SSTR2: variants seen among roughly 807,000 people sequenced by gnomAD.
SSTR2 encodes somatostatin receptor type 2.
Under a neutral mutation model 21.4 loss-of-function variants are expected in SSTR2, and 10 were observed. That is an observed-to-expected ratio of 0.47 (90% CI 0.29 to 0.79). The LOEUF is 0.79. Among genes scored for constraint, SSTR2 ranks in the 30% least tolerant of loss-of-function variants. The pLI, the probability that SSTR2 is intolerant of heterozygous loss-of-function variation, is 0.10. For synonymous variants in SSTR2, 177 were observed against 181.3 expected, an observed-to-expected ratio of 0.98 and a Z score of 0.19; for missense variants, 364 against 468.8, an observed-to-expected ratio of 0.78 and a Z score of 2.06.
chr17:73,167,255 G>A (rs546044419), intron 1 of SSTR2, among the ~76,000 whole-genome samples: 1 of 152,248 alleles, frequency 6.6e-6, no homozygotes, highest in Admixed American at 6.5e-5. Context: ...TGAAATTCCA[G>A]GTGCCTCAAA....
Position 73,170,504 on chromosome 17 carries a change from C to T in SSTR2, c.*75C>T. On this transcript the variant is annotated 3_prime_UTR_variant, in exon 2 of 2. Coordinates refer to ENST00000357585, the MANE Select transcript of SSTR2 (RefSeq NM_001050.3). ...TGGGCTCCCTACCCACACTGGCTTC[C>T]TGCCTCCCACCCCTCACACCTGGCT... The T allele has an allele frequency of 6.4e-7, 1 of 1,551,362 alleles. No individual in the cohort carries two copies. Among genetic ancestry groups the T allele is most frequent in the Non-Finnish European group, 8.8e-7 (1 of 1,138,394 alleles).
rs2061225723 is a variant in SSTR2 at position 73,169,233 on chromosome 17, A to G, written c.-87A>G. The G allele has an allele frequency of 1.4e-6, 2 of 1,445,174 alleles. No homozygotes were observed. The highest frequency in any genetic ancestry group is 1.4e-5 in the African/African-American group (1 of 70,540). 89.5% of individuals were successfully genotyped at this position (1,445,174 alleles called of 1,614,324 possible). ...TCTTCCTCTTTTCCTTCCAGATGTC[A>G]CACTGGATCCTTGGCCTCCAGGGTC... On this transcript the variant is annotated 5_prime_UTR_variant, in exon 2 of 2. Coordinates refer to ENST00000357585, the MANE Select transcript of SSTR2 (RefSeq NM_001050.3). The surrounding 1 kb of genome is among the most constrained non-coding windows in gnomAD (Gnocchi z 5.2).
Position 73,175,231 on chromosome 17 carries a change from C to T in SSTR2, c.*4802C>T, listed in dbSNP as rs566698407. 1 of 152,138 alleles carries T rather than the reference C, an allele frequency of 6.6e-6. No individual in the cohort carries two copies. Among genetic ancestry groups the T allele is most frequent in the East Asian group, 1.9e-4 (1 of 5,184 alleles). The allele number at this position is 152,138 out of a possible 1,614,324, so 9.4% of individuals were successfully genotyped here. A position where few individuals can be genotyped will look rare whatever the true frequency, so the allele number is the denominator to read the frequency against. ...AATGTTCTGTCAGAGTAAACCTTTA[C>T]CTAAGTGCTTGTTTTGCTTTTAATA... is the stretch of plus-strand genomic sequence containing the variant. On this transcript the variant is annotated 3_prime_UTR_variant, in exon 2 of 2. Coordinates refer to ENST00000357585, the MANE Select transcript of SSTR2 (RefSeq NM_001050.3).
chr17:73,167,501 G>A (rs1344903075), intron 1 of SSTR2, among the ~76,000 whole-genome samples: 1 of 152,184 alleles, frequency 6.6e-6, no homozygotes, highest in Non-Finnish European at 1.5e-5. Flanking sequence ...CCAGGAAAAG[G>A]ACCTAGCTCA....
At position 73,169,188 on chromosome 17, in the gene SSTR2, G is replaced by A; in HGVS notation, c.-92-40G>A. The A allele has an allele frequency of 8.9e-7, 1 of 1,125,008 alleles. No individual in the cohort carries two copies. Among genetic ancestry groups the A allele is most frequent in the Non-Finnish European group, 1.2e-6 (1 of 814,460 alleles). The allele number at this position is 1,125,008 out of a possible 1,614,324, so 69.7% of individuals were successfully genotyped here. A position where few individuals can be genotyped will look rare whatever the true frequency, so the allele number is the denominator to read the frequency against. On this transcript the variant is annotated intron_variant, in intron 1 of 1. Coordinates refer to ENST00000357585, the MANE Select transcript of SSTR2 (RefSeq NM_001050.3). The surrounding 1 kb of genome is among the most constrained non-coding windows in gnomAD (Gnocchi z 5.2). ...TGTAAATTTGGTGAGACTTTAAACA[G>A]CCTGTGACCGACGGGCCAATCTTCC...
rs1568284762 is a variant in SSTR2, at chr17:73,165,232, G to A, written c.-149G>A. ...CGCGCCCCGGCGCCCAGCTGGCTCG[G>A]GGACAGCCGCTGGGTGTCGGAGACC... On this transcript the variant is annotated 5_prime_UTR_variant, in exon 1 of 2. Coordinates refer to ENST00000357585, the MANE Select transcript of SSTR2 (RefSeq NM_001050.3). 1 of 152,548 alleles carries A rather than the reference G, an allele frequency of 6.6e-6. No individual in the cohort carries two copies. Among genetic ancestry groups the A allele is most frequent in the African/African-American group, 2.4e-5 (1 of 41,478 alleles). 9.4% of individuals were successfully genotyped at this position (152,548 alleles called of 1,614,324 possible).
chr17:73,167,775 T>C (rs2061221012), intron 1 of SSTR2, among the ~76,000 whole-genome samples: 1 of 152,146 alleles, frequency 6.6e-6, no homozygotes, highest in South Asian at 2.1e-4. Context: ...TTTTAAATTA[T>C]CACCTCCTAG....
At position 73,169,592 on chromosome 17, in the gene SSTR2, C is replaced by G. The variant is rs1453388354; in HGVS notation, c.273C>G (p.Leu91=). 7 of 1,614,174 alleles carry G rather than the reference C, an allele frequency of 4.3e-6. No individual in the cohort carries two copies. Among genetic ancestry groups the G allele is most frequent in the Non-Finnish European group, 5.9e-6 (7 of 1,180,064 alleles). ...YILNLAIADE[L]FMLGLPFLAM... is the part of the protein sequence containing the mutation. ...TCAACCTGGCCATCGCAGATGAGCT[C>G]TTCATGCTGGGTCTGCCTTTCTTGG... The change falls in exon 2 of 2, where the codon CTC becomes CTG. Residue 91 remains leucine, a synonymous_variant. Coordinates refer to ENST00000357585, the MANE Select transcript of SSTR2 (RefSeq NM_001050.3). The surrounding 1 kb of genome is among the most constrained non-coding windows in gnomAD (Gnocchi z 5.2).
Position 73,170,450 on chromosome 17 carries a change from G to T in SSTR2, c.*21G>T, listed in dbSNP as rs768059347. On this transcript the variant is annotated 3_prime_UTR_variant, in exon 2 of 2. Coordinates refer to ENST00000357585, the MANE Select transcript of SSTR2 (RefSeq NM_001050.3). ...TCTGAACTGCTTGGGGGGTGGGAAA[G>T]AACCAAGCCATGCTCTGTCTACTGG... 5.2e-5 allele frequency: 83 copies of T among 1,604,962 alleles called. No individual in the cohort carries two copies. In the South Asian group the frequency reaches 8.3e-4, roughly 16 times the overall value.
chr17:73,165,153 G>T lies in SSTR2; in HGVS notation c.-228G>T, dbSNP rs1451332268. 3 of 152,194 alleles carry T rather than the reference G, an allele frequency of 2.0e-5. No individual in the cohort carries two copies. The highest frequency in any genetic ancestry group is 7.2e-5 in the African/African-American group (3 of 41,450). 9.4% of individuals were successfully genotyped at this position (152,194 alleles called of 1,614,324 possible). Reference sequence around the variant, plus strand: ...GGCTAGCGGGAGCCGGCACAAGAGGGTCGAGGAGCCAGGAACCCCAAACGT... The same window carrying T: ...GGCTAGCGGGAGCCGGCACAAGAGGTTCGAGGAGCCAGGAACCCCAAACGT... On this transcript the variant is annotated 5_prime_UTR_variant, in exon 1 of 2. Transcript: ENST00000357585.
At position 73,169,179 on chromosome 17, in the gene SSTR2, C is replaced by G. The variant is rs1466113; in HGVS notation, c.-92-49C>G. ...CCAGAAATGTGTAAATTTGGTGAGA[C>G]TTTAAACAGCCTGTGACCGACGGGC... is the stretch of plus-strand genomic sequence containing the variant. On this transcript the variant is annotated intron_variant, in intron 1 of 1. Coordinates refer to ENST00000357585, the MANE Select transcript of SSTR2 (RefSeq NM_001050.3). This position sits in a 1 kb window ranked among gnomAD's most constrained non-coding sequence, Gnocchi z 5.2. 634,754 of 1,054,650 alleles carry G rather than the reference C, an allele frequency of 0.6. 192,653 individuals carry two copies. Among genetic ancestry groups the G allele is most frequent in the African/African-American group, 0.75 (46,744 of 62,186 alleles). 65.3% of individuals were successfully genotyped at this position (1,054,650 alleles called of 1,614,324 possible). A position where few individuals can be genotyped will look rare whatever the true frequency, so the allele number is the denominator to read the frequency against.
rs2061239326 is a variant in SSTR2 at position 73,172,870 on chromosome 17, G to A, written c.*2441G>A. ...CTGAGTTTTAGGGAAATGATTCCAA[G>A]GGACCAAGAATTGGTAGAAATAATT... On this transcript the variant is annotated 3_prime_UTR_variant, in exon 2 of 2. Coordinates refer to ENST00000357585, the MANE Select transcript of SSTR2 (RefSeq NM_001050.3). The A allele has an allele frequency of 6.6e-6, 1 of 152,144 alleles. No individual in the cohort carries two copies. Among genetic ancestry groups the A allele is most frequent in the African/African-American group, 2.4e-5 (1 of 41,428 alleles). The allele number at this position is 152,144 out of a possible 1,614,324, so 9.4% of individuals were successfully genotyped here. A position where few individuals can be genotyped will look rare whatever the true frequency, so the allele number is the denominator to read the frequency against.
At chr17:73,166,881 T>G (rs1232500144) in intron 1 of SSTR2, among the ~76,000 whole-genome samples, 1 of 152,170 alleles carries the variant, frequency 6.6e-6, no homozygotes, top group Non-Finnish European at 1.5e-5. Flanking sequence ...CCAGTTAAAA[T>G]GACCGAGTTA....
In SSTR2 at chr17:73,165,086, C is replaced by G. The variant is rs1277640143; in HGVS notation, c.-295C>G. 1 of 152,220 alleles carries G rather than the reference C, an allele frequency of 6.6e-6. No homozygotes were observed. Among genetic ancestry groups the G allele is most frequent in the Non-Finnish European group, 1.5e-5 (1 of 68,070 alleles). The allele number at this position is 152,220 out of a possible 1,614,324, so 9.4% of individuals were successfully genotyped here. Reference sequence around the variant, plus strand: ...CCCAGAGCCCCAGTCTGAGGCTTGGCGCCGGGGGTCTGCGGGCGAGGGGAG... The same window carrying G: ...CCCAGAGCCCCAGTCTGAGGCTTGGGGCCGGGGGTCTGCGGGCGAGGGGAG... On this transcript the variant is annotated 5_prime_UTR_variant, in exon 1 of 2. Transcript: ENST00000357585.
At position 73,175,379 on chromosome 17, in the gene SSTR2, C is replaced by G. The variant is rs1568288146; in HGVS notation, c.*4950C>G. 3 of 151,250 alleles carry G rather than the reference C, an allele frequency of 2.0e-5. No homozygotes were observed. In the South Asian group the frequency reaches 6.3e-4, roughly 32 times the overall value. 9.4% of individuals were successfully genotyped at this position (151,250 alleles called of 1,614,324 possible). A position where few individuals can be genotyped will look rare whatever the true frequency, so the allele number is the denominator to read the frequency against. On this transcript the variant is annotated 3_prime_UTR_variant, in exon 2 of 2. Coordinates refer to ENST00000357585, the MANE Select transcript of SSTR2 (RefSeq NM_001050.3). ...GCACGATCTTGGCTCACTGCAACCTCCACCTACCGGATTCAAGTGATTCTC... is the reference window on the plus strand; with the variant it reads ...GCACGATCTTGGCTCACTGCAACCTGCACCTACCGGATTCAAGTGATTCTC...
rs2145074371 is a variant in SSTR2 at position 73,175,335 on chromosome 17, C to T, written c.*4906C>T. The stretch of plus-strand genomic sequence containing the variant: ...TTTGAGACAGAGTTTCGCTTTTTCA[C>T]CCAGGCTGGAGCGCAGTGGCACGAT... On this transcript the variant is annotated 3_prime_UTR_variant, in exon 2 of 2. Transcript: ENST00000357585. 1.4e-5 allele frequency: 2 copies of T among 145,802 alleles called. No homozygotes were observed. Among genetic ancestry groups the T allele is most frequent in the Middle Eastern group, 7.4e-3 (2 of 270 alleles). 9.0% of individuals were successfully genotyped at this position (145,802 alleles called of 1,614,324 possible). A position where few individuals can be genotyped will look rare whatever the true frequency, so the allele number is the denominator to read the frequency against.
chr17:73,170,999 C>G lies in SSTR2; in HGVS notation c.*570C>G. 1 of 280,444 alleles carries G rather than the reference C, an allele frequency of 3.6e-6. No individual in the cohort carries two copies. The highest frequency in any genetic ancestry group is 4.3e-5 in the South Asian group (1 of 23,402). 17.4% of individuals were successfully genotyped at this position (280,444 alleles called of 1,614,324 possible). A position where few individuals can be genotyped will look rare whatever the true frequency, so the allele number is the denominator to read the frequency against. On this transcript the variant is annotated 3_prime_UTR_variant, in exon 2 of 2. Transcript: ENST00000357585. ...TGCCAAGGCCCAGGAGGGACTTGGGCAGTATGTTCATGTGGTCATATGTTT... is the reference window on the plus strand; with the variant it reads ...TGCCAAGGCCCAGGAGGGACTTGGGGAGTATGTTCATGTGGTCATATGTTT...
At position 73,166,428 on chromosome 17, in the gene SSTR2, CA is replaced by C. The variant is rs374992103; in HGVS notation, c.-93+1141del. ...CACTCATTTCTTGGGCTGGTAATCA[CA>C]GCCCCTATGTAAAAGGGGGGCGGGG... On this transcript the variant is annotated intron_variant, in intron 1 of 1. Coordinates refer to ENST00000357585, the MANE Select transcript of SSTR2 (RefSeq NM_001050.3). Among the ~76,000 whole-genome samples the C allele has an allele frequency of 4.0e-3, 581 of 145,940 alleles. 6 individuals are homozygous for C. The highest frequency in any genetic ancestry group is 0.015 in the African/African-American group (553 of 38,006).
rs1380773102 is a variant in SSTR2 at position 73,170,601 on chromosome 17, T to C, written c.*172T>C. Reference sequence around the variant, plus strand: ...GTTTGAGTCAGCTTGTCTGATTGAATGATAATGTGCTAAATTGATTACCTC... The same window carrying C: ...GTTTGAGTCAGCTTGTCTGATTGAACGATAATGTGCTAAATTGATTACCTC... On this transcript the variant is annotated 3_prime_UTR_variant, in exon 2 of 2. Transcript: ENST00000357585. The C allele has an allele frequency of 5.9e-6, 5 of 844,854 alleles. No homozygotes were observed. The Admixed American group carries it at 8.0e-5, about 14-fold the overall frequency. The allele number at this position is 844,854 out of a possible 1,614,324, so 52.3% of individuals were successfully genotyped here. A position where few individuals can be genotyped will look rare whatever the true frequency, so the allele number is the denominator to read the frequency against.
Sources: allele counts gnomAD v4.1 joint callset (sites outside exome capture counted in the v4.1 genomes callset), GRCh38; gene constraint gnomAD v4.1.1; non-coding constraint Gnocchi (gnomAD v3.1); transcripts MANE v1.5; gene names NCBI Gene and HGNC (gene_info 2026-07-23, HGNC 2026-07-21).